The following PLCB1 variants were observed in gnomAD, a reference collection of about 807,000 sequenced individuals.
PLCB1 encodes phospholipase C beta 1, also known as 1-phosphatidylinositol 4,5-bisphosphate phosphodiesterase beta-1.
Under a neutral mutation model 161.8 loss-of-function variants are expected in PLCB1, and 46 were observed. The observed-to-expected ratio is 0.28, with a 90% CI of 0.22 to 0.36. PLCB1 has a LOEUF of 0.36. Among genes scored for constraint, PLCB1 ranks in the 10% least tolerant of loss-of-function variants. PLCB1 has a pLI of 1.00. For synonymous variants in PLCB1, 517 were observed against 503.7 expected, an observed-to-expected ratio of 1.03 and a Z score of -0.35; for missense variants, 1,016 against 1,472.5, an observed-to-expected ratio of 0.69 and a Z score of 5.07.
chr20:8,383,697 A>T (rs2122397612), intron 3 of PLCB1, among the ~76,000 whole-genome samples: 1 of 152,250 alleles, frequency 6.6e-6, no homozygotes, highest in Middle Eastern at 3.4e-3. Flanking sequence ...TGCTTCCTTC[A>T]GGAGCTCTTG....
At chr20:8,815,118 G>T (rs983142176) in intron 31 of PLCB1, among the ~76,000 whole-genome samples, 1 of 151,634 alleles carries the variant, frequency 6.6e-6, no homozygotes, top group Non-Finnish European at 1.5e-5. Flanking sequence ...TCGCTGCACT[G>T]CTTCATTGTT....
chr20:8,847,737 C>G (rs550458263), intron 31 of PLCB1, among the ~76,000 whole-genome samples: 2 of 152,278 alleles, frequency 1.3e-5, no homozygotes, highest in Non-Finnish European at 2.9e-5. Context: ...CAATAATTTA[C>G]TAGAACAGCT....
chr20:8,607,230 A>G (rs554233192), intron 3 of PLCB1, among the ~76,000 whole-genome samples: 3 of 152,216 alleles, frequency 2.0e-5, no homozygotes, highest in South Asian at 4.1e-4. Flanking sequence ...CATTAGTCCA[A>G]CCTCCATGAA....
intron 2 of PLCB1, among the ~76,000 whole-genome samples, chr20:8,294,068 AC>A (rs1983513133): frequency 6.6e-6 from 1 of 152,188 alleles, no homozygotes; most frequent in Admixed American, 6.5e-5. Flanking sequence ...TTCATTCCCA[AC>A]CTTTTTAATG....
At chr20:8,170,973 A>T (rs1300893665) in intron 2 of PLCB1, among the ~76,000 whole-genome samples, 2 of 152,156 alleles carry the variant, frequency 1.3e-5, no homozygotes, top group Admixed American at 6.5e-5. Flanking sequence ...TCTAATTTAG[A>T]TCTGATTTAA....
intron 31 of PLCB1, among the ~76,000 whole-genome samples, chr20:8,863,150 T>A (rs1196685159): frequency 1.3e-5 from 2 of 152,218 alleles, no homozygotes; most frequent in Non-Finnish European, 2.9e-5. Context: ...ACAGTCTGCA[T>A]GACAATGGTT....
chr20:8,286,997 C>A (rs2719790), intron 2 of PLCB1, among the ~76,000 whole-genome samples: 9,730 of 151,994 alleles, frequency 0.064, 762 homozygotes, highest in African/African-American at 0.18. Context: ...ATTCTCATAT[C>A]CAAATTTTTC....
intron 2 of PLCB1, among the ~76,000 whole-genome samples, chr20:8,368,050 C>T (rs1000150148): frequency 6.6e-6 from 1 of 152,120 alleles, no homozygotes; most frequent in Non-Finnish European, 1.5e-5. Context: ...ACTACCCTTC[C>T]GTGGCTTGGG....
At chr20:8,715,623 A>G (rs947337271) in intron 12 of PLCB1, among the ~76,000 whole-genome samples, 1 of 152,074 alleles carries the variant, frequency 6.6e-6, no homozygotes, top group African/African-American at 2.4e-5. Context: ...CTATTCTGTT[A>G]TGTATATATG....
chr20:8,229,336 C>T (rs569820116), intron 2 of PLCB1, among the ~76,000 whole-genome samples: 3 of 152,138 alleles, frequency 2.0e-5, no homozygotes, highest in African/African-American at 7.2e-5. Flanking sequence ...AAATTGCTCT[C>T]TCAACTTGCT....
chr20:8,786,794 C>G (rs969543470), intron 27 of PLCB1, among the ~76,000 whole-genome samples: 4 of 151,672 alleles, frequency 2.6e-5, no homozygotes, highest in African/African-American at 9.7e-5. Context: ...ACCTCCACCT[C>G]CCGGATTCAA....
At chr20:8,215,131 GATT>G (rs1210504334) in intron 2 of PLCB1, among the ~76,000 whole-genome samples, 14 of 152,024 alleles carry the variant, frequency 9.2e-5, no homozygotes, top group African/African-American at 3.4e-4. Flanking sequence ...CCACTGAGAA[GATT>G]ATTTTGTTGT....
intron 2 of PLCB1, among the ~76,000 whole-genome samples, chr20:8,294,377 A>G (rs973319101): frequency 5.3e-5 from 8 of 152,030 alleles, no homozygotes; most frequent in Non-Finnish European, 4.4e-5. Context: ...AAAATTTAAA[A>G]ATCTGACATT....
chr20:8,161,789 T>A lies in PLCB1; in HGVS notation c.177+11418T>A, dbSNP rs117250713. On this transcript the variant is annotated intron_variant, in intron 2 of 31. Transcript: ENST00000338037. ...GTGTGGTCAGAACATTGGACTTTTT[T>A]TTTTTTTTTGAAAGCTCCTCATTTG... Among the ~76,000 whole-genome samples the A allele has an allele frequency of 6.8e-3, 1,040 of 152,154 alleles. 7 individuals carry two copies. Among genetic ancestry groups the A allele is most frequent in the Non-Finnish European group, 9.2e-3 (628 of 67,992 alleles).
At chr20:8,244,957 G>T (rs1202179296) in intron 2 of PLCB1, among the ~76,000 whole-genome samples, 4 of 150,572 alleles carry the variant, frequency 2.7e-5, no homozygotes, top group African/African-American at 9.9e-5. Flanking sequence ...GTAAAATAGT[G>T]TGGCTTAGGA....
chr20:8,445,384 C>G (rs1980775066), intron 3 of PLCB1, among the ~76,000 whole-genome samples: 1 of 152,076 alleles, frequency 6.6e-6, no homozygotes, highest in South Asian at 2.1e-4. Context: ...TCTGAGGGCT[C>G]TGTTCTGTTC....
chr20:8,379,660 G>A (rs1283118774), intron 3 of PLCB1, among the ~76,000 whole-genome samples: 1 of 152,132 alleles, frequency 6.6e-6, no homozygotes, highest in Middle Eastern at 3.2e-3. Context: ...GGCATGAGAT[G>A]GAATCTTACT....
intron 3 of PLCB1, among the ~76,000 whole-genome samples, chr20:8,480,518 AGT>A (rs1320430832): frequency 6.6e-6 from 1 of 152,144 alleles, no homozygotes; most frequent in Non-Finnish European, 1.5e-5. Flanking sequence ...TAGTTTGCCT[AGT>A]GTAGCCAGAT....
chr20:8,220,482 G>A (rs1979345819), intron 2 of PLCB1, among the ~76,000 whole-genome samples: 1 of 152,172 alleles, frequency 6.6e-6, no homozygotes, highest in Non-Finnish European at 1.5e-5. Flanking sequence ...TTGGATCAGA[G>A]TGGACCCAAA....
Sources: allele counts gnomAD v4.1 joint callset (sites outside exome capture counted in the v4.1 genomes callset), GRCh38; gene constraint gnomAD v4.1.1; transcripts MANE v1.5; gene names NCBI Gene and HGNC (gene_info 2026-07-23, HGNC 2026-07-21).